FRMD5: variants seen among roughly 807,000 people sequenced by gnomAD.
The protein encoded by FRMD5 is FERM domain-containing protein 5.
In FRMD5, 20 loss-of-function variants were observed where a neutral mutation model predicts 69.0. That is an observed-to-expected ratio of 0.29 (90% CI 0.20 to 0.42). The LOEUF (loss-of-function observed/expected upper bound fraction) is 0.42, where lower values mean the gene tolerates loss of function less well. Ranked by LOEUF, FRMD5 falls within the 10% of genes least tolerant of loss-of-function variation. The probability of loss-of-function intolerance (pLI) is 1.00; values close to 1 mark genes in which losing one functional copy is unlikely to be tolerated. For missense variants in FRMD5, 595 were observed against 708.6 expected (o/e 0.84, Z 1.82); for synonymous variants, 271 against 260.1 (o/e 1.04, Z -0.40).
intron 1 of FRMD5, among the ~76,000 whole-genome samples, chr15:44,057,187 C>A (rs912100867): frequency 1.3e-5 from 2 of 151,272 alleles, no homozygotes; most frequent in Non-Finnish European, 2.9e-5. Context: ...TGCAGTGACA[C>A]GATCTCGGCT....
chr15:44,036,169 ACT>A (rs919207189), intron 1 of FRMD5, among the ~76,000 whole-genome samples: 1 of 152,032 alleles, frequency 6.6e-6, no homozygotes, highest in African/African-American at 2.4e-5. Flanking sequence ...CCTACTCCAA[ACT>A]CTGTGGTTTG....
intron 1 of FRMD5, among the ~76,000 whole-genome samples, chr15:43,925,707 C>T (rs1323865317): frequency 6.6e-6 from 1 of 152,238 alleles, no homozygotes. Context: ...TCATTTTCCT[C>T]ACTACACTTC....
chr15:43,909,099 A>C (rs188193639), intron 5 of FRMD5, among the ~76,000 whole-genome samples: 1 of 152,196 alleles, frequency 6.6e-6, no homozygotes, highest in East Asian at 1.9e-4. Flanking sequence ...AATCCAAGCA[A>C]AATCCTCTAA....
In FRMD5 at chr15:43,962,855, G is replaced by A. The variant is rs2090226689; in HGVS notation, c.103-38546C>T. Among the ~76,000 whole-genome samples the A allele has an allele frequency of 2.0e-5, 3 of 152,204 alleles. No homozygotes were observed. The South Asian group carries it at 6.2e-4, about 31-fold the overall frequency. ...TGGTGGGAAAACTGGCTAGCCATAT[G>A]CAGAAAGCTGAAACTGGATCGCTTC... On this transcript the variant is annotated intron_variant, in intron 1 of 13. Coordinates refer to ENST00000417257, the MANE Select transcript of FRMD5 (RefSeq NM_032892.5).
At chr15:44,095,737 C>T (rs1458281705) in intron 1 of FRMD5, among the ~76,000 whole-genome samples, 1 of 152,178 alleles carries the variant, frequency 6.6e-6, no homozygotes, top group Non-Finnish European at 1.5e-5. Context: ...CCTGGCATGG[C>T]CAACTGGAAA....
At chr15:44,040,732 C>T (rs542563928) in intron 1 of FRMD5, among the ~76,000 whole-genome samples, 1 of 152,106 alleles carries the variant, frequency 6.6e-6, no homozygotes, top group Non-Finnish European at 1.5e-5. Context: ...TAAAGACTAT[C>T]CACACTATGA....
At chr15:43,904,317 T>C (rs1348148523) in intron 6 of FRMD5, among the ~76,000 whole-genome samples, 1 of 152,190 alleles carries the variant, frequency 6.6e-6, no homozygotes, top group Non-Finnish European at 1.5e-5. Flanking sequence ...ACACAAACCT[T>C]TTAAAATATT....
At chr15:44,113,483 C>T (rs2076827671) in intron 1 of FRMD5, among the ~76,000 whole-genome samples, 1 of 152,168 alleles carries the variant, frequency 6.6e-6, no homozygotes, top group African/African-American at 2.4e-5. Context: ...TATGAGCATG[C>T]AATGTGTAAT....
At chr15:44,110,383 A>C (rs1457135895) in intron 1 of FRMD5, among the ~76,000 whole-genome samples, 1 of 152,198 alleles carries the variant, frequency 6.6e-6, no homozygotes, top group Non-Finnish European at 1.5e-5. Flanking sequence ...TGTGGATGTA[A>C]GTTTTCAGTT....
At chr15:44,155,752 CCTGT>C (rs2077517334) in intron 1 of FRMD5, among the ~76,000 whole-genome samples, 2 of 151,746 alleles carry the variant, frequency 1.3e-5, no homozygotes, top group South Asian at 2.1e-4. Context: ...CATCACCACG[CCTGT>C]CTAATTTTTG....
chr15:44,054,548 T>G lies in FRMD5; in HGVS notation c.103-130239A>C, dbSNP rs116022353. Among the ~76,000 whole-genome samples, 739 of 152,242 alleles carry G rather than the reference T, an allele frequency of 4.9e-3. 12 individuals carry two copies. Among genetic ancestry groups the G allele is most frequent in the African/African-American group, 0.017 (708 of 41,534 alleles). The stretch of plus-strand genomic sequence containing the variant: ...TTGTAATCATCAACTGAATGCTATT[T>G]TCGTAGGGGTTGTCCGCCAAAGAAT... On this transcript the variant is annotated intron_variant, in intron 1 of 13. Coordinates refer to ENST00000417257, the MANE Select transcript of FRMD5 (RefSeq NM_032892.5).
chr15:44,042,831 G>C (rs1295385258), intron 1 of FRMD5, among the ~76,000 whole-genome samples: 3 of 152,182 alleles, frequency 2.0e-5, no homozygotes, highest in African/African-American at 7.2e-5. Flanking sequence ...ATACTGCATG[G>C]GCAAAAACTG....
chr15:44,126,187 C>T (rs1031542594), intron 1 of FRMD5, among the ~76,000 whole-genome samples: 1 of 152,188 alleles, frequency 6.6e-6, no homozygotes, highest in Non-Finnish European at 1.5e-5. Context: ...TATGTTACCA[C>T]ATTAAAATGA....
chr15:44,058,565 T>A (rs1892961956), intron 1 of FRMD5, among the ~76,000 whole-genome samples: 1 of 152,100 alleles, frequency 6.6e-6, no homozygotes, highest in Non-Finnish European at 1.5e-5. Flanking sequence ...GGTGGGCAGA[T>A]CACAACGTCG....
intron 2 of FRMD5, 111 bp from the exon 3 acceptor site, chr15:43,919,920 C>T (rs1242439346): frequency 2.1e-6 from 2 of 959,362 alleles, no homozygotes; most frequent in East Asian, 2.4e-5. Context: ...GTGAAAGCAG[C>T]CCAAAAGCTT....
At chr15:44,195,654 G>A (rs2078282637), upstream of FRMD5, among the ~76,000 whole-genome samples, 1 of 151,832 alleles carries the variant, frequency 6.6e-6, no homozygotes, top group Non-Finnish European at 1.5e-5. Context: ...GAGCCGGAGC[G>A]AGGAGGCGGC....
chr15:44,099,001 GACA>G (rs529807455), intron 1 of FRMD5, among the ~76,000 whole-genome samples: 67 of 152,254 alleles, frequency 4.4e-4, no homozygotes, highest in African/African-American at 1.4e-3. Context: ...TCAAAAACAC[GACA>G]ACATTATCTT....
chr15:44,038,654 C>G (rs866251451), intron 1 of FRMD5, among the ~76,000 whole-genome samples: 2 of 151,678 alleles, frequency 1.3e-5, no homozygotes, highest in Non-Finnish European at 2.9e-5. Flanking sequence ...CTGAGGTACC[C>G]AGTTCATCTC....
intron 1 of FRMD5, among the ~76,000 whole-genome samples, chr15:43,996,623 G>C (rs1012356217): frequency 6.7e-6 from 1 of 149,466 alleles, no homozygotes; most frequent in Non-Finnish European, 1.5e-5. Flanking sequence ...CCATCTAGCT[G>C]ATGTTCAAAC....
Sources: gnomAD v4.1 joint callset for allele counts (sites outside exome capture counted in the v4.1 genomes callset) on GRCh38, gnomAD v4.1.1 for gene constraint, MANE v1.5 for transcripts, NCBI Gene and HGNC (gene_info 2026-07-23, HGNC 2026-07-21) for gene names.